Variants in SPIDR observed in about 807,000 individuals in gnomAD.
The protein encoded by SPIDR is scaffold protein involved in DNA repair, also known as DNA repair-scaffolding protein.
SPIDR carries 93 observed loss-of-function variants against 104.6 expected under a neutral mutation model. The ratio of observed to expected loss-of-function variants is 0.89; its 90% CI spans 0.75 to 1.06. The LOEUF (loss-of-function observed/expected upper bound fraction) is 1.06, where lower values mean the gene tolerates loss of function less well. SPIDR is among the 50% of genes least tolerant of loss of function. SPIDR has a pLI of 0.00. For missense variants in SPIDR, 1,154 were observed against 1,111.2 expected (o/e 1.04, Z -0.55); for synonymous variants, 431 against 416.9 (o/e 1.03, Z -0.41).
intron 10 of SPIDR, among the ~76,000 whole-genome samples, chr8:47,627,417 G>A (rs1185155546): frequency 6.6e-6 from 1 of 151,796 alleles, no homozygotes; most frequent in African/African-American, 2.4e-5. Context: ...AAAAAGAAAT[G>A]ATTTACCGCT....
intron 1 of SPIDR, among the ~76,000 whole-genome samples, chr8:47,278,895 T>C (rs1174283547): frequency 6.6e-6 from 1 of 152,088 alleles, no homozygotes; most frequent in East Asian, 1.9e-4. Context: ...CTTTTATTTT[T>C]CTTTTTTTAA....
chr8:47,543,397 A>T (rs2088625001), intron 8 of SPIDR, among the ~76,000 whole-genome samples: 1 of 152,132 alleles, frequency 6.6e-6, no homozygotes. Flanking sequence ...TTTAATGTGC[A>T]TTTCCCTAAT....
At chr8:47,424,217 C>T (rs562209433) in intron 7 of SPIDR, among the ~76,000 whole-genome samples, 3 of 152,250 alleles carry the variant, frequency 2.0e-5, no homozygotes, top group South Asian at 2.1e-4. Flanking sequence ...ACCCTGGCTC[C>T]GTTGTTTGAT....
rs1470589727 is a variant in SPIDR, at chr8:47,390,899, G to A, written c.526-5477G>A. Among the ~76,000 whole-genome samples the A allele has an allele frequency of 3.3e-5, 5 of 152,264 alleles. No individual in the cohort carries two copies. The South Asian group carries it at 8.3e-4, about 25-fold the overall frequency. ...TTTCTCGTTAGTCTGATTCTACAAT[G>A]TAGAAAGGAAATATAAGCTTGAACC... On this transcript the variant is annotated intron_variant, in intron 5 of 19. Transcript: ENST00000297423.
intron 5 of SPIDR, among the ~76,000 whole-genome samples, chr8:47,346,044 T>C (rs2051930847): frequency 6.6e-6 from 1 of 152,198 alleles, no homozygotes; most frequent in African/African-American, 2.4e-5. Flanking sequence ...CTTGTGCCAG[T>C]TTTCAAAGGG....
At chr8:47,725,972 TTTG>T (rs1290080877) in intron 16 of SPIDR, among the ~76,000 whole-genome samples, 6 of 152,246 alleles carry the variant, frequency 3.9e-5, no homozygotes, top group Non-Finnish European at 1.5e-5. Flanking sequence ...TGAGTGGGCC[TTTG>T]GTGGGCCTGC....
At chr8:47,297,457 AT>A (rs199816155) in intron 5 of SPIDR, among the ~76,000 whole-genome samples, 174 of 150,764 alleles carry the variant, frequency 1.2e-3, no homozygotes, top group African/African-American at 3.6e-3. Flanking sequence ...TTCCATATCT[AT>A]TTTTTTTTAT....
chr8:47,547,468 C>A, intron 8 of SPIDR: 1 of 212,898 alleles, frequency 4.7e-6, no homozygotes, highest in Non-Finnish European at 9.4e-6. Flanking sequence ...CGCTCTGTCG[C>A]CAGGCTGGAA....
chr8:47,323,347 C>G (rs1484589624), intron 5 of SPIDR, among the ~76,000 whole-genome samples: 1 of 152,140 alleles, frequency 6.6e-6, no homozygotes, highest in Non-Finnish European at 1.5e-5. Context: ...CTTAGAGAAT[C>G]TGAAGTTTCC....
intron 8 of SPIDR, among the ~76,000 whole-genome samples, chr8:47,592,794 G>C (rs2061201522): frequency 6.6e-6 from 1 of 152,204 alleles, no homozygotes; most frequent in African/African-American, 2.4e-5. Flanking sequence ...CTCAAGAGGA[G>C]TAGGAAAGCC....
chr8:47,292,048 A>T (rs1374795766), intron 4 of SPIDR, among the ~76,000 whole-genome samples: 1 of 152,146 alleles, frequency 6.6e-6, no homozygotes, highest in Non-Finnish European at 1.5e-5. Context: ...ATAACCAAAG[A>T]TGTCTCCAGA....
intron 6 of SPIDR, among the ~76,000 whole-genome samples, chr8:47,402,642 G>C (rs529649952): frequency 3.3e-5 from 5 of 152,138 alleles, no homozygotes; most frequent in Admixed American, 2.0e-4. Context: ...ACCCTCACCA[G>C]ACTAAACCAG....
intron 4 of SPIDR, among the ~76,000 whole-genome samples, chr8:47,291,637 T>G (rs1170327500): frequency 6.6e-6 from 1 of 152,216 alleles, no homozygotes; most frequent in Non-Finnish European, 1.5e-5. Flanking sequence ...CTCTAAGAGA[T>G]AGGTATTACA....
chr8:47,641,158 A>G, intron 10 of SPIDR, among the ~76,000 whole-genome samples: 1 of 151,778 alleles, frequency 6.6e-6, no homozygotes, highest in South Asian at 2.1e-4. Flanking sequence ...AGACTAGGTA[A>G]TTTTTAATTT....
chr8:47,635,108 G>A (rs757149066), intron 10 of SPIDR, among the ~76,000 whole-genome samples: 5 of 152,054 alleles, frequency 3.3e-5, no homozygotes, highest in South Asian at 2.1e-4. Context: ...GGCTGAGTGC[G>A]GTGGCTGACA....
chr8:47,391,124 T>G (rs969717235), intron 5 of SPIDR, among the ~76,000 whole-genome samples: 1 of 152,070 alleles, frequency 6.6e-6, no homozygotes, highest in African/African-American at 2.4e-5. Context: ...GGTATGAGAG[T>G]TCCTCCGTGT....
At chr8:47,679,200 C>T (rs767311651) in intron 11 of SPIDR, among the ~76,000 whole-genome samples, 8 of 152,202 alleles carry the variant, frequency 5.3e-5, no homozygotes, top group Non-Finnish European at 8.8e-5. Context: ...CCAACACAGA[C>T]GCATGTTTTA....
intron 5 of SPIDR, among the ~76,000 whole-genome samples, chr8:47,346,316 G>A (rs1554617983): frequency 6.6e-6 from 1 of 152,006 alleles, no homozygotes; most frequent in African/African-American, 2.4e-5. Context: ...CAGGGATGAA[G>A]CCGACTTGTT....
At chr8:47,272,612 T>C (rs2035560387) in intron 1 of SPIDR, among the ~76,000 whole-genome samples, 1 of 152,196 alleles carries the variant, frequency 6.6e-6, no homozygotes, top group African/African-American at 2.4e-5. Flanking sequence ...ATTTCCTCCT[T>C]GGGCAGCGCC....
Sources: gnomAD v4.1 joint callset for allele counts (sites outside exome capture counted in the v4.1 genomes callset) on GRCh38, gnomAD v4.1.1 for gene constraint, MANE v1.5 for transcripts, NCBI Gene and HGNC (gene_info 2026-07-23, HGNC 2026-07-21) for gene names.